The following DMD variants were observed in gnomAD, a reference collection of about 807,000 sequenced individuals.
DMD encodes the protein dystrophin, also known as mutant dystrophin.
Under a neutral mutation model 330.1 loss-of-function variants are expected in DMD, and 63 were observed. That is an observed-to-expected ratio of 0.19 (90% confidence interval 0.16 to 0.24). The LOEUF (loss-of-function observed/expected upper bound fraction) is 0.24, where lower values mean the gene tolerates loss of function less well. DMD is among the 10% of genes least tolerant of loss of function. DMD has a pLI of 1.00. For missense variants in DMD, 3,344 were observed against 2,684.1 expected (o/e 1.25, Z -5.43); for synonymous variants, 1,223 against 959.8 (o/e 1.27, Z -5.07).
intron 4 of DMD, among the ~76,000 whole-genome samples, chrX:32,839,742 T>C (rs201261286): frequency 2.0e-5 from 2 of 102,276 alleles, no homozygotes; most frequent in African/African-American, 3.7e-5. Flanking sequence ...TTTTTTTTTT[T>C]CACTCTGTGG....
chrX:31,778,759 C>T (rs769679282), intron 50 of DMD, among the ~76,000 whole-genome samples: 7 of 109,521 alleles, frequency 6.4e-5, no homozygotes, highest in Non-Finnish European at 9.5e-5. Context: ...TTAGTGGAGA[C>T]GGGGTTTCAC....
At chrX:32,695,943 G>T (rs1248591936) in intron 9 of DMD, among the ~76,000 whole-genome samples, 1 of 111,720 alleles carries the variant, frequency 9.0e-6, no homozygotes, top group Non-Finnish European at 1.9e-5. Flanking sequence ...TTCATCAGTG[G>T]TAGAAAGTTA....
chrX:31,490,038 C>T (rs1021358866), intron 57 of DMD, among the ~76,000 whole-genome samples: 8 of 111,872 alleles, frequency 7.2e-5, no homozygotes, highest in South Asian at 3.7e-4. Context: ...ACTTAGTTTT[C>T]AGAAGACTCA....
intron 41 of DMD, among the ~76,000 whole-genome samples, chrX:32,333,709 A>G (rs1046318373): frequency 1.8e-5 from 2 of 111,208 alleles, no homozygotes; most frequent in Non-Finnish European, 3.8e-5. Flanking sequence ...GGTAGGATTT[A>G]TTTATTCCCC....
rs143013127 is a variant in DMD at position 32,725,652 on chromosome X, A to C, written c.650-26359T>G. Reference sequence around the variant, plus strand: ...AGATAAATAAAGCAAATATTATTAGAGCTAAAGAGAGAGAGAGATCTCAAC... The same window carrying C: ...AGATAAATAAAGCAAATATTATTAGCGCTAAAGAGAGAGAGAGATCTCAAC... On this transcript the variant is annotated intron_variant, in intron 7 of 78. Transcript: ENST00000357033. Among the ~76,000 whole-genome samples, 751 of 111,342 alleles carry C rather than the reference A, an allele frequency of 6.7e-3. 3 individuals carry two copies. The highest frequency in any genetic ancestry group is 0.011 in the Non-Finnish European group (566 of 52,785).
intron 61 of DMD, among the ~76,000 whole-genome samples, chrX:31,333,861 C>A (rs188266473): frequency 9.0e-6 from 1 of 111,448 alleles, no homozygotes; most frequent in Admixed American, 9.5e-5. Flanking sequence ...ATTATACATA[C>A]GTAAGAAATC....
intron 48 of DMD, among the ~76,000 whole-genome samples, chrX:31,856,541 T>C (rs887363682): frequency 8.9e-6 from 1 of 112,443 alleles, no homozygotes; most frequent in Admixed American, 9.4e-5. Flanking sequence ...CAAAGTTCTA[T>C]TTAAGCTAGT....
intron 1 of DMD, among the ~76,000 whole-genome samples, chrX:33,173,458 A>G (rs2049469367): frequency 9.0e-6 from 1 of 111,631 alleles, no homozygotes; most frequent in African/African-American, 3.2e-5. Context: ...TACCCCAAAA[A>G]CATACTCAGA....
intron 7 of DMD, among the ~76,000 whole-genome samples, chrX:32,793,469 A>T (rs1326636894): frequency 1.8e-5 from 2 of 111,174 alleles, no homozygotes; most frequent in East Asian, 5.6e-4. Flanking sequence ...GAGAGCAAAA[A>T]ATACAAAGTA....
intron 2 of DMD, among the ~76,000 whole-genome samples, chrX:32,997,125 T>C (rs1438215396): frequency 2.7e-5 from 3 of 111,583 alleles, no homozygotes; most frequent in East Asian, 2.8e-4. Flanking sequence ...TTGTACCTAA[T>C]AGGTAATTTC....
chrX:32,708,898 C>T (rs774359468), intron 7 of DMD, among the ~76,000 whole-genome samples: 1 of 111,583 alleles, frequency 9.0e-6, no homozygotes, highest in Non-Finnish European at 1.9e-5. Context: ...GACAAAATAA[C>T]TGATGGCGAA....
chrX:33,330,591 T>A (rs1426561951), intron 1 of DMD, among the ~76,000 whole-genome samples: 1 of 111,738 alleles, frequency 8.9e-6, no homozygotes, highest in Non-Finnish European at 1.9e-5. Context: ...GGTAACTGTT[T>A]TCAAATCCTC....
chrX:31,401,464 A>G (rs1276376695), intron 60 of DMD, among the ~76,000 whole-genome samples: 1 of 112,343 alleles, frequency 8.9e-6, no homozygotes, highest in East Asian at 2.8e-4. Context: ...GAGTAGACGT[A>G]ACCATGTCAG....
At chrX:32,164,795 C>A (rs1037427012) in intron 44 of DMD, among the ~76,000 whole-genome samples, 3 of 63,801 alleles carry the variant, frequency 4.7e-5, no homozygotes, top group Admixed American at 2.5e-4. Context: ...TGGACCAGGT[C>A]CCCCCCCCAA....
At chrX:32,718,831 T>C (rs1277485220) in intron 7 of DMD, among the ~76,000 whole-genome samples, 3 of 112,343 alleles carry the variant, frequency 2.7e-5, no homozygotes, top group African/African-American at 9.7e-5. Context: ...TTAAAATATA[T>C]GGCAAATGTG....
intron 43 of DMD, among the ~76,000 whole-genome samples, chrX:32,237,747 G>A (rs1318957537): frequency 1.8e-5 from 2 of 111,686 alleles, no homozygotes; most frequent in Non-Finnish European, 3.8e-5. Context: ...CATGGTGAAC[G>A]CTAAAGCTTC....
chrX:32,681,202 C>G lies in DMD; in HGVS notation c.960+16668G>C, dbSNP rs976812067. ...TATTTTCATTCTTTTCTTATCTAAGCCTCGTAAAAAGCTCTGTTCAAGATG... is the reference window on the plus strand; with the variant it reads ...TATTTTCATTCTTTTCTTATCTAAGGCTCGTAAAAAGCTCTGTTCAAGATG... On this transcript the variant is annotated intron_variant, in intron 9 of 78. Coordinates refer to ENST00000357033, the MANE Select transcript of DMD (RefSeq NM_004006.3). Among the ~76,000 whole-genome samples, 26 of 111,374 alleles carry G rather than the reference C, an allele frequency of 2.3e-4. No individual in the cohort carries two copies. In the Admixed American group the frequency reaches 2.5e-3, roughly 11 times the overall value.
At chrX:32,172,570 G>A (rs2096891431) in intron 44 of DMD, among the ~76,000 whole-genome samples, 1 of 111,107 alleles carries the variant, frequency 9.0e-6, no homozygotes, top group Admixed American at 9.7e-5. Context: ...CCTTTCTCAA[G>A]TCCCACAACG....
At chrX:32,100,560 G>T (rs2096535116) in intron 44 of DMD, among the ~76,000 whole-genome samples, 1 of 110,658 alleles carries the variant, frequency 9.0e-6, no homozygotes, top group Non-Finnish European at 1.9e-5. Context: ...ACCCCAGTTT[G>T]TCTTCAGCTG....
Sources: allele counts gnomAD v4.1 joint callset (sites outside exome capture counted in the v4.1 genomes callset), GRCh38; gene constraint gnomAD v4.1.1; transcripts MANE v1.5; gene names NCBI Gene and HGNC (gene_info 2026-07-23, HGNC 2026-07-21).